Variants in ERC2 observed in about 807,000 individuals in gnomAD.
ERC2 encodes ERC protein 2.
Under a neutral mutation model 114.8 loss-of-function variants are expected in ERC2, and 42 were observed. That is an observed-to-expected ratio of 0.37 (90% CI 0.29 to 0.47). The LOEUF (loss-of-function observed/expected upper bound fraction) is 0.47. Among genes scored for constraint, ERC2 ranks in the 20% least tolerant of loss-of-function variants. The probability of loss-of-function intolerance (pLI) is 0.99; values close to 1 mark genes in which losing one functional copy is unlikely to be tolerated. For missense variants in ERC2, 939 were observed against 1,150.7 expected (o/e 0.82, Z 2.66); for synonymous variants, 454 against 425.5 (o/e 1.07, Z -0.82).
At chr3:55,651,400 A>C (rs894785441) in intron 17 of ERC2, among the ~76,000 whole-genome samples, 2 of 151,542 alleles carry the variant, frequency 1.3e-5, no homozygotes, top group African/African-American at 4.9e-5. Flanking sequence ...GCTTACATTA[A>C]ATTGTCTACA....
At chr3:56,285,718 C>A (rs1052906515) in intron 3 of ERC2, among the ~76,000 whole-genome samples, 7 of 152,236 alleles carry the variant, frequency 4.6e-5, no homozygotes, top group Non-Finnish European at 1.0e-4. Flanking sequence ...GGCACACTAA[C>A]AACTACCACA....
chr3:56,421,667 G>A (rs1054949571), intron 2 of ERC2, among the ~76,000 whole-genome samples: 6 of 152,202 alleles, frequency 3.9e-5, no homozygotes, highest in African/African-American at 1.4e-4. Context: ...ATGTGTATGT[G>A]TGTATAGGAG....
chr3:55,929,720 TC>T (rs1218516095), intron 13 of ERC2, among the ~76,000 whole-genome samples: 2 of 152,136 alleles, frequency 1.3e-5, no homozygotes, highest in East Asian at 3.9e-4. Flanking sequence ...GGAACGGACT[TC>T]CCCCTTGCTG....
At chr3:56,444,828 G>A (rs1366741140) in intron 1 of ERC2, among the ~76,000 whole-genome samples, 1 of 152,160 alleles carries the variant, frequency 6.6e-6, no homozygotes, top group Non-Finnish European at 1.5e-5. Context: ...CCAAGATTTT[G>A]CCAACTTAAA....
intron 3 of ERC2, among the ~76,000 whole-genome samples, chr3:56,201,828 C>A (rs1022834021): frequency 1.3e-5 from 2 of 152,214 alleles, no homozygotes; most frequent in African/African-American, 4.8e-5. Context: ...GGAACAATTT[C>A]TTCTTTACAA....
chr3:55,548,307 T>G (rs2054902649), intron 17 of ERC2, among the ~76,000 whole-genome samples: 1 of 152,258 alleles, frequency 6.6e-6, no homozygotes, highest in Non-Finnish European at 1.5e-5. Context: ...TACATTAATT[T>G]TTCTCCTTTC....
At chr3:56,025,054 A>T (rs944204132) in intron 7 of ERC2, among the ~76,000 whole-genome samples, 4 of 152,178 alleles carry the variant, frequency 2.6e-5, no homozygotes, top group Non-Finnish European at 1.5e-5. Context: ...GCACAGTAAG[A>T]CCACATATTG....
intron 12 of ERC2, among the ~76,000 whole-genome samples, chr3:55,962,715 C>T (rs538624607): frequency 1.3e-5 from 2 of 152,290 alleles, no homozygotes; most frequent in South Asian, 2.1e-4. Flanking sequence ...AGGGAACCGT[C>T]GAAAGTTACA....
Position 55,888,491 on chromosome 3 carries a change from G to A in ERC2, c.2462C>T (p.Ala821Val). The change falls in exon 14 of 18, where the codon GCA (alanine) becomes GTA (valine). Residue 821 changes from alanine to valine, a missense_variant. Coordinates refer to ENST00000288221, the MANE Select transcript of ERC2 (RefSeq NM_015576.3). ...GGACTGTTGTGTGGAGGCGAGGCGT[G>A]CTTTGGTGGCATCCAGTTCCTGTCT... is the stretch of plus-strand genomic sequence containing the variant. ...KTRQELDATK[A>V]RLASTQQSLA... 6.2e-7 allele frequency: 1 copy of A among 1,613,876 alleles called. No homozygotes were observed. The highest frequency in any genetic ancestry group is 1.7e-4 in the Middle Eastern group (1 of 6,060).
chr3:56,400,022 C>CAA (rs562408516), intron 2 of ERC2, among the ~76,000 whole-genome samples: 2,633 of 139,952 alleles, frequency 0.019, 30 homozygotes, highest in African/African-American at 0.023. Context: ...AAGCAAATTT[C>CAA]AAAAAAAAAA....
rs534756544 is a variant in ERC2, at chr3:56,049,637, G to T, written c.1642-30606C>A. ...AGAAAAACATGAAAAGGCTAGATTT[G>T]CTTAGCCTTTCAGCCTACATCTTTC... On this transcript the variant is annotated intron_variant, in intron 7 of 17. Transcript: ENST00000288221. Among the ~76,000 whole-genome samples, 9 of 152,254 alleles carry T rather than the reference G, an allele frequency of 5.9e-5. 1 individual carries two copies. In the South Asian group the frequency reaches 1.7e-3, roughly 28 times the overall value.
chr3:56,203,680 AT>A (rs2048535330), intron 3 of ERC2, among the ~76,000 whole-genome samples: 1 of 152,236 alleles, frequency 6.6e-6, no homozygotes, highest in African/African-American at 2.4e-5. Context: ...AAAGAAGCAT[AT>A]TAAAAACAAA....
chr3:56,136,602 C>G (rs1364741065), intron 6 of ERC2, among the ~76,000 whole-genome samples: 1 of 152,092 alleles, frequency 6.6e-6, no homozygotes, highest in Admixed American at 6.6e-5. Context: ...CACCCACTAA[C>G]ACACCACACA....
chr3:55,988,989 T>C (rs754352852), intron 11 of ERC2, among the ~76,000 whole-genome samples: 3 of 152,202 alleles, frequency 2.0e-5, no homozygotes, highest in Non-Finnish European at 4.4e-5. Flanking sequence ...CTGAGCCCTT[T>C]TTTTCCCAAG....
At chr3:55,854,051 G>A (rs1447330848) in intron 14 of ERC2, among the ~76,000 whole-genome samples, 5 of 152,166 alleles carry the variant, frequency 3.3e-5, no homozygotes, top group South Asian at 2.1e-4. Context: ...GAGGAGGGCC[G>A]ATCACCTGAG....
At chr3:56,446,823 C>T (rs184949136) in intron 1 of ERC2, among the ~76,000 whole-genome samples, 203 of 151,320 alleles carry the variant, frequency 1.3e-3, no homozygotes, top group African/African-American at 4.7e-3. Context: ...GACAGAGTTT[C>T]ACCATGTTAG....
At chr3:56,264,825 C>CAAAA (rs34795999) in intron 3 of ERC2, among the ~76,000 whole-genome samples, 1 of 140,214 alleles carries the variant, frequency 7.1e-6, no homozygotes, top group African/African-American at 2.7e-5. Context: ...ATGACCTATC[C>CAAAA]AAAAAAAAAA....
intron 17 of ERC2, among the ~76,000 whole-genome samples, chr3:55,606,340 G>A (rs2058640128): frequency 6.6e-6 from 1 of 152,164 alleles, no homozygotes; most frequent in African/African-American, 2.4e-5. Context: ...CATGGTCTAA[G>A]AAGTCAACTG....
At chr3:56,029,583 A>T (rs1344769398) in intron 7 of ERC2, among the ~76,000 whole-genome samples, 1 of 152,048 alleles carries the variant, frequency 6.6e-6, no homozygotes, top group Non-Finnish European at 1.5e-5. Flanking sequence ...AAATTGGTCC[A>T]TTTCTACTAA....
Sources: allele counts gnomAD v4.1 joint callset (sites outside exome capture counted in the v4.1 genomes callset), GRCh38; gene constraint gnomAD v4.1.1; transcripts MANE v1.5; gene names NCBI Gene and HGNC (gene_info 2026-07-23, HGNC 2026-07-21).